Variants in EPPK1 observed in about 807,000 individuals in gnomAD.
The protein encoded by EPPK1 is epiplakin 1.
For missense variants in EPPK1, 3,823 were observed against 3,673.3 expected (o/e 1.04, Z -1.05); for synonymous variants, 1,862 against 1,721.2 (o/e 1.08, Z -2.03).
rs946406798 is a variant in EPPK1, at chr8:143,857,865, G to A, written c.*122C>T. On this transcript the variant is annotated 3_prime_UTR_variant, in exon 2 of 2. Transcript: ENST00000615648. ...ACTTAAAACGTTTTCCACAGATAAC[G>A]AATGGGTAAAACAACAAAATTAAAG... 2.2e-5 allele frequency: 15 copies of A among 671,500 alleles called. No homozygotes were observed. The highest frequency in any genetic ancestry group is 9.3e-5 in the East Asian group (3 of 32,154). The allele number at this position is 671,500 out of a possible 1,614,324, so 41.6% of individuals were successfully genotyped here.
rs201777578 is a variant in EPPK1, at chr8:143,872,905, G to A, written c.349C>T (p.Arg117Cys). The stretch of plus-strand genomic sequence containing the variant: ...GGGTCAGGATAGCCCGTAGTGGCAC[G>A]CTCAGCGGCCAGCAGCTTCTCCTTC... ...ELKEKLLAAE[R>C]ATTGYPDPYG... The change falls in exon 2 of 2, where the codon CGT (arginine) becomes TGT (cysteine). Residue 117 changes from arginine to cysteine, a missense_variant. Coordinates refer to ENST00000615648, the MANE Select transcript of EPPK1 (RefSeq NM_031308.4). 4.9e-5 allele frequency: 79 copies of A among 1,606,446 alleles called. No homozygotes were observed. Among genetic ancestry groups the A allele is most frequent in the South Asian group, 1.2e-4 (11 of 90,556 alleles).
At position 143,869,586 on chromosome 8, in the gene EPPK1, G is replaced by C; in HGVS notation, c.3668C>G (p.Ala1223Gly). 6.4e-7 allele frequency: 1 copy of C among 1,564,044 alleles called. No individual in the cohort carries two copies. The highest frequency in any genetic ancestry group is 8.7e-7 in the Non-Finnish European group (1 of 1,155,264). ...CTGGGCGGGCGACTGCGTGCCCTGA[G>C]CCAGGGCCTCAAGGGTCTCCTGGGT... ...IITQETLEAL[A>G]QGTQSPAQVA... Residue 1223 changes from alanine (A) to glycine (G), a missense_variant, in exon 2 of 2, where the codon GCT (alanine) becomes GGT (glycine). Ala to Gly is a moderately conservative substitution (Grantham distance 60). Transcript: ENST00000615648.
At position 143,866,774 on chromosome 8, in the gene EPPK1, C is replaced by T. The variant is rs1344090961; in HGVS notation, c.6480G>A (p.Glu2160=). ...TGCTGGTTTCCTGCTTCTCGATCAACTCTAAGATGAGCTGCGCTACCGTCT... is the reference window on the plus strand; with the variant it reads ...TGCTGGTTTCCTGCTTCTCGATCAATTCTAAGATGAGCTGCGCTACCGTCT... ...ALQTVAQLIL[E]LIEKQETSNK... Residue 2160 remains glutamate (E), a synonymous_variant, in exon 2 of 2, where the codon GAG becomes GAA. Transcript: ENST00000615648. 1.2e-6 allele frequency: 2 copies of T among 1,613,418 alleles called. No homozygotes were observed. Among genetic ancestry groups the T allele is most frequent in the Admixed American group, 1.7e-5 (1 of 60,008 alleles).
At position 143,866,891 on chromosome 8, in the gene EPPK1, T is replaced by A; in HGVS notation, c.6363A>T (p.Thr2121=). 1.2e-6 allele frequency: 2 copies of A among 1,613,142 alleles called. No homozygotes were observed. The highest frequency in any genetic ancestry group is 1.7e-6 in the Non-Finnish European group (2 of 1,179,876). Residue 2121 remains threonine, a synonymous_variant, in exon 2 of 2, where the codon ACA becomes ACT. Coordinates refer to ENST00000615648, the MANE Select transcript of EPPK1 (RefSeq NM_031308.4). The stretch of plus-strand genomic sequence containing the variant: ...ATTCGGAATTCAGTAGTGCCCACAG[T>A]GTTGGTTTCTGGCCTCTGAACCTTC... ...TVGRFRGQKP[T]LWALLNSEYV...
chr8:143,872,089 G>T lies in EPPK1; in HGVS notation c.1165C>A (p.Pro389Thr), dbSNP rs782354138. 3.4e-5 allele frequency: 53 copies of T among 1,562,192 alleles called. No individual in the cohort carries two copies. The highest frequency in any genetic ancestry group is 1.7e-4 in the Middle Eastern group (1 of 5,908). ...GCATCCAAGAGCCGCAGTGCCAGTG[G>T]CCTGTCCACTAGCCCCTTCTTCATG... ...QAMKKGLVDR[P>T]LALRLLDAQL... is the part of the protein sequence containing the mutation. Residue 389 changes from proline to threonine, a missense_variant, in exon 2 of 2, where the codon CCA becomes ACA. Pro to Thr is a conservative substitution (Grantham distance 38, BLOSUM62 -1). Coordinates refer to ENST00000615648, the MANE Select transcript of EPPK1 (RefSeq NM_031308.4).
rs1554660512 is a variant in EPPK1, at chr8:143,869,798, G to A, written c.3456C>T (p.His1152=). ...TSLWDLLSSC[H]FTEEQRRGLL... ...GGCCCCTCCGTTGCTCCTCGGTGAAGTGGCAGGAGCTGAGCAGGTCCCAGA... is the reference window on the plus strand; with the variant it reads ...GGCCCCTCCGTTGCTCCTCGGTGAAATGGCAGGAGCTGAGCAGGTCCCAGA... Residue 1152 remains histidine (H), a synonymous_variant, in exon 2 of 2, where the codon CAC becomes CAT. Transcript: ENST00000615648. 6.2e-7 allele frequency: 1 copy of A among 1,602,694 alleles called. No individual in the cohort carries two copies. Among genetic ancestry groups the A allele is most frequent in the South Asian group, 1.1e-5 (1 of 89,190 alleles).
Position 143,857,978 on chromosome 8 carries a change from G to C in EPPK1, c.*9C>G. The C allele has an allele frequency of 1.9e-6, 3 of 1,564,806 alleles. No individual in the cohort carries two copies. The highest frequency in any genetic ancestry group is 8.7e-7 in the Non-Finnish European group (1 of 1,150,790). On this transcript the variant is annotated 3_prime_UTR_variant, in exon 2 of 2. Transcript: ENST00000615648. ...CAGAGTTGCAGAAAACTGCACGGAG[G>C]AAGCCCAGTCACTGTAGAGAGAGAG...
Position 143,870,066 on chromosome 8 carries a change from G to A in EPPK1, c.3188C>T (p.Ala1063Val), listed in dbSNP as rs1554660603. The change falls in exon 2 of 2, where the codon GCC becomes GTC. Residue 1063 changes from alanine to valine, a missense_variant. By Grantham distance (64) the Ala-to-Val change is moderately conservative. Transcript: ENST00000615648. The surrounding 1 kb of genome is among the most constrained non-coding windows in gnomAD (Gnocchi z 5.2). ...TSHHHLPMPV[A>V]IQRGYVDQEM... ...CTGGTCAACATAGCCACGCTGAATG[G>A]CCACTGGCATGGGGAGGTGGTGGTG... 3 of 1,610,566 alleles carry A rather than the reference G, an allele frequency of 1.9e-6. 1 individual carries two copies. In the Admixed American group the frequency reaches 5.0e-5, roughly 27 times the overall value.
In EPPK1 at chr8:143,870,070, C is replaced by T; in HGVS notation, c.3184G>A (p.Val1062Met). The change falls in exon 2 of 2, where the codon GTG becomes ATG. Residue 1062 changes from valine (V) to methionine (M), a missense_variant. Coordinates refer to ENST00000615648, the MANE Select transcript of EPPK1 (RefSeq NM_031308.4). This position sits in a 1 kb window ranked among gnomAD's most constrained non-coding sequence, Gnocchi z 5.2. ...TCAACATAGCCACGCTGAATGGCCA[C>T]TGGCATGGGGAGGTGGTGGTGGCTG... ...PTSHHHLPMP[V>M]AIQRGYVDQE... The T allele has an allele frequency of 5.0e-6, 8 of 1,610,640 alleles. No individual in the cohort carries two copies. Among genetic ancestry groups the T allele is most frequent in the Non-Finnish European group, 6.8e-6 (8 of 1,178,898 alleles).
rs782216580 is a variant in EPPK1 at position 143,872,503 on chromosome 8, C to T, written c.751G>A (p.Gly251Ser). 25 of 1,596,332 alleles carry T rather than the reference C, an allele frequency of 1.6e-5. No individual in the cohort carries two copies. The highest frequency in any genetic ancestry group is 1.0e-4 in the Admixed American group (6 of 58,836). The change falls in exon 2 of 2, where the codon GGC becomes AGC. Residue 251 changes from glycine to serine, a missense_variant. Physicochemically the swap from Gly to Ser is moderately conservative, Grantham distance 56. Coordinates refer to ENST00000615648, the MANE Select transcript of EPPK1 (RefSeq NM_031308.4). ...TGCACAGCCTGCTCGTCCAGGATGC[C>T]CACCTCCAGCAGCTCAGCTGCACTC... The part of the protein sequence containing the change: ...AVSAAELLEV[G>S]ILDEQAVQGL...
rs571952678 is a variant in EPPK1 at position 143,872,537 on chromosome 8, G to C, written c.717C>G (p.Gly239=). Residue 239 remains glycine, a synonymous_variant, in exon 2 of 2, where the codon GGC becomes GGG. Coordinates refer to ENST00000615648, the MANE Select transcript of EPPK1 (RefSeq NM_031308.4). ...GCAGCTCAGCTGCACTCACCGCCCC[G>C]CCCATGGAGCGGAAGGTGATCTTGA... ...LPLKITFRSM[G]GAVSAAELLE... 2 of 1,603,706 alleles carry C rather than the reference G, an allele frequency of 1.2e-6. No individual in the cohort carries two copies. The highest frequency in any genetic ancestry group is 1.7e-6 in the Non-Finnish European group (2 of 1,177,970).
At position 143,866,786 on chromosome 8, in the gene EPPK1, C is replaced by T. The variant is rs781900013; in HGVS notation, c.6468G>A (p.Gln2156=). The T allele has an allele frequency of 1.4e-5, 23 of 1,613,392 alleles. 1 individual carries two copies. The Admixed American group carries it at 2.8e-4, about 20-fold the overall frequency. ...HTRRALQTVA[Q]LILELIEKQE... ...GCTTCTCGATCAACTCTAAGATGAG[C>T]TGCGCTACCGTCTGCAGTGCCCGTC... Residue 2156 remains glutamine (Q), a synonymous_variant, in exon 2 of 2, where the codon CAG becomes CAA. Coordinates refer to ENST00000615648, the MANE Select transcript of EPPK1 (RefSeq NM_031308.4).
upstream of EPPK1, chr8:143,878,548 C>CGCGGG (rs367956335): frequency 5.2e-4 from 77 of 149,070 alleles, no homozygotes; most frequent in East Asian, 2.6e-3. Flanking sequence ...GGGGCCCCGA[C>CGCGGG]GCGGGGCGGG....
At position 143,871,603 on chromosome 8, in the gene EPPK1, G is replaced by T. The variant is rs887121746; in HGVS notation, c.1651C>A (p.Gln551Lys). 6.2e-7 allele frequency: 1 copy of T among 1,607,896 alleles called. No individual in the cohort carries two copies. Among genetic ancestry groups the T allele is most frequent in the Non-Finnish European group, 8.5e-7 (1 of 1,178,302 alleles). The change falls in exon 2 of 2, where the codon CAG (glutamine) becomes AAG (lysine). Residue 551 changes from glutamine (Q) to lysine (K), a missense_variant. Physicochemically the swap from Gln to Lys is moderately conservative, Grantham distance 53 (BLOSUM62 1). Transcript: ENST00000615648. ...LAAKLSATLE[Q>K]AAATARVTFS... ...GTGACCCTGGCAGTGGCTGCAGCCT[G>T]CTCGAGGGTGGCGCTCAGCTTAGCG...
chr8:143,870,308 G>T lies in EPPK1; in HGVS notation c.2946C>A (p.Leu982=). The change falls in exon 2 of 2, where the codon CTC becomes CTA. Residue 982 remains leucine (L), a synonymous_variant. Coordinates refer to ENST00000615648, the MANE Select transcript of EPPK1 (RefSeq NM_031308.4). The surrounding 1 kb of genome is among the most constrained non-coding windows in gnomAD (Gnocchi z 5.2). ...CCCTGCGCACGGCCTCATCCACCGA[G>T]AGGCTCTCTGGGCTGTGAGGGTCCA... ...TIMDPHSPES[L]SVDEAVRRGV... 1 of 1,576,762 alleles carries T rather than the reference G, an allele frequency of 6.3e-7. No homozygotes were observed. Among genetic ancestry groups the T allele is most frequent in the Non-Finnish European group, 8.6e-7 (1 of 1,167,354 alleles).
chr8:143,870,962 G>A lies in EPPK1; in HGVS notation c.2292C>T (p.Thr764=). 6.2e-7 allele frequency: 1 copy of A among 1,613,500 alleles called. No individual in the cohort carries two copies. The highest frequency in any genetic ancestry group is 1.1e-5 in the South Asian group (1 of 91,082). The part of the protein sequence containing the change: ...NLILLDPSDD[T]KGFFDPNTHE... ...GCGTGTTGGGGTCGAAGAAGCCCTT[G>A]GTGTCGTCAGAAGGGTCCAACAGGA... Residue 764 remains threonine, a synonymous_variant, in exon 2 of 2, where the codon ACC becomes ACT. Coordinates refer to ENST00000615648, the MANE Select transcript of EPPK1 (RefSeq NM_031308.4). This position sits in a 1 kb window ranked among gnomAD's most constrained non-coding sequence, Gnocchi z 5.2.
In EPPK1 at chr8:143,872,029, G is replaced by A. The variant is rs200411270; in HGVS notation, c.1225C>T (p.Arg409Cys). 1,054 of 1,561,400 alleles carry A rather than the reference G, an allele frequency of 6.8e-4. 1 individual carries two copies. Among genetic ancestry groups the A allele is most frequent in the Non-Finnish European group, 8.2e-4 (943 of 1,154,974 alleles). ...LATGGLVCPA[R>C]RLRLPLEAAL... ...GCCTCCAGGGGCAGCCGGAGCCTGCGTGCTGGACAGACCAGCCCGCCTGTG... is the reference window on the plus strand; with the variant it reads ...GCCTCCAGGGGCAGCCGGAGCCTGCATGCTGGACAGACCAGCCCGCCTGTG... Residue 409 changes from arginine (R) to cysteine (C), a missense_variant, in exon 2 of 2, where the codon CGC becomes TGC. Transcript: ENST00000615648.
At position 143,871,819 on chromosome 8, in the gene EPPK1, C is replaced by CCTGGGGCA; in HGVS notation, c.1434_1435insTGCCCCAG (p.Gly479CysfsTer16). On this transcript the variant is annotated frameshift_variant, in exon 2 of 2. Coordinates refer to ENST00000615648, the MANE Select transcript of EPPK1 (RefSeq NM_031308.4). LOFTEE classifies it low-confidence loss of function (END_TRUNC). ...GTGCTGTACTTGATGAATGGGGGTC[C>CCTGGGGCA]CTGGGGCTCCCCTCCCCGGGGTCCC... 6.2e-7 allele frequency: 1 copy of CCTGGGGCA among 1,612,308 alleles called. No homozygotes were observed. Among genetic ancestry groups the CCTGGGGCA allele is most frequent in the Non-Finnish European group, 8.5e-7 (1 of 1,179,800 alleles).
chr8:143,857,979 A>C lies in EPPK1; in HGVS notation c.*8T>G. The C allele has an allele frequency of 1.3e-6, 2 of 1,565,774 alleles. No individual in the cohort carries two copies. Among genetic ancestry groups the C allele is most frequent in the Middle Eastern group, 1.7e-4 (1 of 5,868 alleles). The stretch of plus-strand genomic sequence containing the variant: ...AGAGTTGCAGAAAACTGCACGGAGG[A>C]AGCCCAGTCACTGTAGAGAGAGAGA... On this transcript the variant is annotated 3_prime_UTR_variant, in exon 2 of 2. Transcript: ENST00000615648.
Sources: allele counts gnomAD v4.1 joint callset, GRCh38; gene constraint gnomAD v4.1.1; non-coding constraint Gnocchi (gnomAD v3.1); transcripts MANE v1.5; gene names NCBI Gene and HGNC (gene_info 2026-07-23, HGNC 2026-07-21).